The following DGCR2 variants were observed in gnomAD, a reference collection of about 807,000 sequenced individuals.
The protein encoded by DGCR2 is integral membrane protein DGCR2/IDD.
DGCR2 carries 24 observed loss-of-function variants against 51.6 expected under a neutral mutation model. The observed-to-expected ratio is 0.47, with a 90% CI of 0.34 to 0.65. The LOEUF is 0.65. DGCR2 is among the 30% of genes least tolerant of loss of function. DGCR2 has a pLI of 0.01. For synonymous variants in DGCR2, 340 were observed against 315.4 expected (o/e 1.08, Z -0.82); for missense variants, 765 against 772.1 (o/e 0.99, Z 0.11).
intron 1 of DGCR2, among the ~76,000 whole-genome samples, chr22:19,093,867 T>G (rs1422329265): frequency 6.6e-6 from 1 of 151,660 alleles, no homozygotes; most frequent in Non-Finnish European, 1.5e-5. Flanking sequence ...TTAGCTGGGC[T>G]TGGTGACACA....
chr22:19,056,937 A>G, intron 6 of DGCR2, 49 bp downstream of exon 6: 1 of 1,502,030 alleles, frequency 6.7e-7, no homozygotes, highest in Non-Finnish European at 8.9e-7. Context: ...CAACAAAGTG[A>G]CACAAGGGCC....
Position 19,082,222 on chromosome 22 carries a change from CTTTTTTTTTT to C in DGCR2, c.202+7136_202+7145del, listed in dbSNP as rs56725898. ...TACCACCACATCTGGCTAATTATTT[CTTTTTTTTTT>C]TTTTTTTTTTTTTCATAGAGACAGG... is the stretch of plus-strand genomic sequence containing the variant. On this transcript the variant is annotated intron_variant, in intron 2 of 9. Transcript: ENST00000263196. Among the ~76,000 whole-genome samples, 7 of 88,052 alleles carry C rather than the reference CTTTTTTTTTT, an allele frequency of 7.9e-5. No individual in the cohort carries two copies. The East Asian group carries it at 1.3e-3, about 17-fold the overall frequency. The allele number at this position is 88,052 out of a possible 152,430, so 57.8% of individuals were successfully genotyped here. A position where few individuals can be genotyped will look rare whatever the true frequency, so the allele number is the denominator to read the frequency against.
At chr22:19,104,546 A>C (rs2083241711) in intron 1 of DGCR2, among the ~76,000 whole-genome samples, 1 of 152,248 alleles carries the variant, frequency 6.6e-6, no homozygotes, top group Admixed American at 6.5e-5. Context: ...TAAGAAAATC[A>C]AAACATTTCC....
chr22:19,116,361 G>C (rs1395133571), intron 1 of DGCR2, among the ~76,000 whole-genome samples: 4 of 152,216 alleles, frequency 2.6e-5, no homozygotes, highest in Non-Finnish European at 5.9e-5. Flanking sequence ...AGGACACACA[G>C]CTTGGAATGG....
intron 7 of DGCR2, among the ~76,000 whole-genome samples, chr22:19,043,535 GT>G (rs2082455896): frequency 6.6e-6 from 1 of 152,216 alleles, no homozygotes; most frequent in Admixed American, 6.5e-5. Context: ...GAACCAGGAA[GT>G]GGTCCCAGAA....
intron 2 of DGCR2, among the ~76,000 whole-genome samples, chr22:19,086,780 C>G (rs915951004): frequency 6.6e-6 from 1 of 152,194 alleles, no homozygotes; most frequent in African/African-American, 2.4e-5. Flanking sequence ...AATGTAACTT[C>G]AAGCCAATAC....
intron 2 of DGCR2, among the ~76,000 whole-genome samples, chr22:19,078,932 T>C (rs1415260181): frequency 6.6e-6 from 1 of 152,206 alleles, no homozygotes; most frequent in East Asian, 1.9e-4. Flanking sequence ...GGAGAATTCA[T>C]CAGTGAAGCC....
intron 7 of DGCR2, among the ~76,000 whole-genome samples, chr22:19,042,299 C>A (rs59941835): frequency 0.016 from 2,496 of 152,322 alleles, 89 homozygotes; most frequent in East Asian, 0.061. Context: ...GTGCTGTGTA[C>A]CCCAGGTGTG....
intron 1 of DGCR2, among the ~76,000 whole-genome samples, chr22:19,108,207 A>G (rs980470236): frequency 2.0e-5 from 3 of 152,192 alleles, no homozygotes; most frequent in Admixed American, 6.5e-5. Context: ...AAGCATGACC[A>G]TAACAAGAAA....
At chr22:19,093,361 GAAA>G (rs35223547) in intron 1 of DGCR2, among the ~76,000 whole-genome samples, 3 of 120,480 alleles carry the variant, frequency 2.5e-5, no homozygotes, top group African/African-American at 3.0e-5. Flanking sequence ...ACTCCACCTC[GAAA>G]AAAAAAAAAA....
intron 1 of DGCR2, among the ~76,000 whole-genome samples, chr22:19,091,583 C>A (rs1387009159): frequency 6.6e-6 from 1 of 152,152 alleles, no homozygotes; most frequent in Non-Finnish European, 1.5e-5. Context: ...AAAGTCAGAG[C>A]TTTTAATAAC....
rs547601678 is a variant in DGCR2 at position 19,045,855 on chromosome 22, T to TA, written c.1006+2584dup. Among the ~76,000 whole-genome samples, 530 of 152,234 alleles carry TA rather than the reference T, an allele frequency of 3.5e-3. 6 individuals are homozygous for TA. Among genetic ancestry groups the TA allele is most frequent in the Non-Finnish European group, 3.9e-3 (264 of 68,020 alleles). On this transcript the variant is annotated intron_variant, in intron 7 of 9. Coordinates refer to ENST00000263196, the MANE Select transcript of DGCR2 (RefSeq NM_005137.3). ...GATTCTCCTGCCTCAGCCTCCTGAG[T>TA]AGCTGGTATTATAGGCATAAGCCAC...
At chr22:19,116,334 G>A (rs970629186) in intron 1 of DGCR2, among the ~76,000 whole-genome samples, 14 of 152,208 alleles carry the variant, frequency 9.2e-5, no homozygotes, top group African/African-American at 2.7e-4. Context: ...TGCCAAGCCC[G>A]CCATGTCCAC....
chr22:19,045,319 CTTG>C (rs1487536226), intron 7 of DGCR2: 2 of 152,232 alleles, frequency 1.3e-5, no homozygotes, highest in Non-Finnish European at 2.9e-5. Flanking sequence ...GATCAAACTC[CTTG>C]TTGTACTCTT....
At chr22:19,097,028 G>A (rs1423556387) in intron 1 of DGCR2, among the ~76,000 whole-genome samples, 1 of 151,950 alleles carries the variant, frequency 6.6e-6, no homozygotes, top group Non-Finnish European at 1.5e-5. Flanking sequence ...ATTATTTTTG[G>A]AAATAGTTGA....
intron 6 of DGCR2, among the ~76,000 whole-genome samples, chr22:19,048,872 CT>C (rs2146312932): frequency 6.6e-6 from 1 of 152,362 alleles, no homozygotes; most frequent in South Asian, 2.1e-4. Context: ...GCCATCACTG[CT>C]GCACCACTTG....
chr22:19,067,169 A>G (rs1446216181), intron 3 of DGCR2, among the ~76,000 whole-genome samples: 1 of 152,100 alleles, frequency 6.6e-6, no homozygotes, highest in Non-Finnish European at 1.5e-5. Flanking sequence ...GGGGCTGAGG[A>G]GTAACACAAG....
intron 2 of DGCR2, among the ~76,000 whole-genome samples, chr22:19,083,288 G>C (rs2082962054): frequency 6.6e-6 from 1 of 152,164 alleles, no homozygotes; most frequent in Admixed American, 6.5e-5. Flanking sequence ...TGGAATTCAA[G>C]CTTCTTAGGT....
chr22:19,039,249 G>T (rs1161716867), intron 9 of DGCR2, 128 bp from the exon 10 acceptor site: 2 of 1,223,456 alleles, frequency 1.6e-6, no homozygotes, highest in Admixed American at 5.0e-5. Flanking sequence ...TGGTGAGCAG[G>T]ACCTGGGTGG....
Sources: allele counts gnomAD v4.1 joint callset (sites outside exome capture counted in the v4.1 genomes callset), GRCh38; gene constraint gnomAD v4.1.1; transcripts MANE v1.5; gene names NCBI Gene and HGNC (gene_info 2026-07-23, HGNC 2026-07-21).